The following DOP1B variants were observed in gnomAD, a reference collection of about 807,000 sequenced individuals.
The protein encoded by DOP1B is protein DOP1B.
In DOP1B, 174 loss-of-function variants were observed where a neutral mutation model predicts 233.5. That is an observed-to-expected ratio of 0.75 (90% confidence interval 0.66 to 0.85). The LOEUF is 0.85. DOP1B is among the 40% of genes least tolerant of loss of function. DOP1B has a pLI of 0.00. For synonymous variants in DOP1B, 1,190 were observed against 1,185.6 expected (o/e 1.00, Z -0.08); for missense variants, 2,652 against 2,846.6 (o/e 0.93, Z 1.56).
In DOP1B at chr21:36,211,640, T is replaced by A; in HGVS notation, c.769T>A (p.Tyr257Asn). 1.2e-6 allele frequency: 2 copies of A among 1,614,178 alleles called. No individual in the cohort carries two copies. Among genetic ancestry groups the A allele is most frequent in the Non-Finnish European group, 1.7e-6 (2 of 1,180,010 alleles). Reference protein sequence around the residue: ...LEIVLFFFPFYTCLDSNERAI... With the variant: ...LEIVLFFFPFNTCLDSNERAI... ...AATCGTTCTGTTTTTCTTCCCATTT[T>A]ATACCTGTCTGGTAAGTAATTTGTA... Residue 257 changes from tyrosine (Y) to asparagine (N), a missense_variant, in exon 6 of 37, where the codon TAT becomes AAT. Physicochemically the swap from Tyr to Asn is moderately radical, Grantham distance 143. Around this residue, in one of 3 missense-constraint regions of DOP1B, gnomAD observed 2,617 missense variants for 2,794.3 expected, o/e 0.94. Transcript: ENST00000691173.
In DOP1B at chr21:36,181,626, C is replaced by T. The variant is rs192034374; in HGVS notation, c.138+16755C>T. On this transcript the variant is annotated intron_variant, in intron 2 of 36. Coordinates refer to ENST00000691173, the MANE Select transcript of DOP1B (RefSeq NM_001320714.2). ...ACGTGGCTTTCACAGTTCCTCTTTT[C>T]ATTGCCATTCTGTCCCACAGGAAAA... Among the ~76,000 whole-genome samples the T allele has an allele frequency of 1.6e-4, 24 of 152,340 alleles. 1 individual carries two copies. In the East Asian group the frequency reaches 4.4e-3, roughly 28 times the overall value.
chr21:36,196,376 C>T (rs1479766813), intron 2 of DOP1B, among the ~76,000 whole-genome samples: 1 of 152,174 alleles, frequency 6.6e-6, no homozygotes, highest in African/African-American at 2.4e-5. Flanking sequence ...TGTTGGCTGC[C>T]TGACCGTTCT....
At chr21:36,285,728 G>A (rs1301621155) in intron 32 of DOP1B, among the ~76,000 whole-genome samples, 2 of 152,050 alleles carry the variant, frequency 1.3e-5, no homozygotes, top group African/African-American at 2.4e-5. Context: ...AAAAGAGGCA[G>A]GAGGCTGGGC....
At chr21:36,256,817 G>A (rs1417145654) in intron 23 of DOP1B, among the ~76,000 whole-genome samples, 1 of 151,922 alleles carries the variant, frequency 6.6e-6, no homozygotes, top group Non-Finnish European at 1.5e-5. Context: ...CAACACAGAA[G>A]ACTTCTCTTA....
rs1476179470 is a variant in DOP1B, at chr21:36,223,361, A to G, written c.1370+11A>G. ...TGAGGAATGCTTTAGGTAAGTATGC[A>G]GTTCAAGAATGCAGAATATTTAGGA... On this transcript the variant is annotated intron_variant, in intron 11 of 36. Coordinates refer to ENST00000691173, the MANE Select transcript of DOP1B (RefSeq NM_001320714.2). The G allele has an allele frequency of 1.9e-6, 3 of 1,604,350 alleles. No individual in the cohort carries two copies. The Admixed American group carries it at 5.3e-5, about 28-fold the overall frequency.
Position 36,208,647 on chromosome 21 carries a change from A to G in DOP1B, c.492-68A>G. 4.0e-6 allele frequency: 6 copies of G among 1,506,230 alleles called. No homozygotes were observed. The South Asian group carries it at 7.4e-5, about 19-fold the overall frequency. The allele number at this position is 1,506,230 out of a possible 1,614,324, so 93.3% of individuals were successfully genotyped here. A position where few individuals can be genotyped will look rare whatever the true frequency, so the allele number is the denominator to read the frequency against. The stretch of plus-strand genomic sequence containing the variant: ...CTGTGGTTCTTCATGCAGCATTCGC[A>G]GAGCAGTGTGCAGTGGGACTCGGGA... On this transcript the variant is annotated intron_variant, in intron 4 of 36. Transcript: ENST00000691173.
intron 21 of DOP1B, among the ~76,000 whole-genome samples, chr21:36,248,917 C>T (rs1055296913): frequency 6.6e-6 from 1 of 151,912 alleles, no homozygotes; most frequent in African/African-American, 2.4e-5. Flanking sequence ...ACAGCCTGGC[C>T]AACATGGTGA....
At chr21:36,231,330 C>G (rs1232105861) in intron 14 of DOP1B, among the ~76,000 whole-genome samples, 196 bp downstream of exon 14, 1 of 152,200 alleles carries the variant, frequency 6.6e-6, no homozygotes, top group Non-Finnish European at 1.5e-5. Context: ...TCCAAGAGCT[C>G]CAGTGACTGT....
intron 20 of DOP1B, 130 bp from the exon 21 acceptor site, chr21:36,248,250 A>G (rs2066991531): frequency 1.2e-6 from 1 of 842,512 alleles, no homozygotes; most frequent in Non-Finnish European, 1.8e-6. Context: ...CTCCCAGACC[A>G]CCACATGTAT....
intron 2 of DOP1B, among the ~76,000 whole-genome samples, chr21:36,189,388 T>A (rs2066204205): frequency 6.6e-6 from 1 of 152,226 alleles, no homozygotes; most frequent in South Asian, 2.1e-4. Context: ...TAAGAAAGTT[T>A]AATTTCCTGT....
intron 15 of DOP1B, among the ~76,000 whole-genome samples, chr21:36,233,923 G>A (rs1340145341): frequency 1.3e-5 from 2 of 152,024 alleles, no homozygotes; most frequent in African/African-American, 4.8e-5. Context: ...GCACGATCTC[G>A]GCTCACTGCA....
Position 36,293,649 on chromosome 21 carries a change from G to T in DOP1B, c.*78G>T. 6.7e-7 allele frequency: 1 copy of T among 1,487,188 alleles called. No individual in the cohort carries two copies. Among genetic ancestry groups the T allele is most frequent in the South Asian group, 1.2e-5 (1 of 80,824 alleles). 92.1% of individuals were successfully genotyped at this position (1,487,188 alleles called of 1,614,324 possible). A position where few individuals can be genotyped will look rare whatever the true frequency, so the allele number is the denominator to read the frequency against. On this transcript the variant is annotated 3_prime_UTR_variant, in exon 37 of 37. Transcript: ENST00000691173. ...AGGTTATATTCTAAAGAAGAAAGAAGGCAGGATAGTGCTTTTGAACAAGCC... is the reference window on the plus strand; with the variant it reads ...AGGTTATATTCTAAAGAAGAAAGAATGCAGGATAGTGCTTTTGAACAAGCC...
At chr21:36,213,366 C>T (rs1315632846) in intron 7 of DOP1B, among the ~76,000 whole-genome samples, 1 of 152,098 alleles carries the variant, frequency 6.6e-6, no homozygotes, top group East Asian at 1.9e-4. Flanking sequence ...ATATTCTTTG[C>T]CCATACCATG....
At chr21:36,282,651 A>T (rs182453734) in intron 32 of DOP1B, among the ~76,000 whole-genome samples, 1 of 151,778 alleles carries the variant, frequency 6.6e-6, no homozygotes, top group South Asian at 2.1e-4. Flanking sequence ...TTTTTTTTTC[A>T]TCCCCACTAC....
rs371338959 is a variant in DOP1B at position 36,225,587 on chromosome 21, G to C, written c.1393G>C (p.Val465Leu). The C allele has an allele frequency of 1.2e-6, 2 of 1,614,100 alleles. No individual in the cohort carries two copies. The highest frequency in any genetic ancestry group is 1.1e-5 in the South Asian group (1 of 91,068). Residue 465 changes from valine to leucine, a missense_variant, in exon 12 of 37, where the codon GTG (valine) becomes CTG (leucine). Transcript: ENST00000691173. ...CFRPVKQRYS[V>L]RNSVSPPPTV... ...TAGACCAGTGAAGCAGCGTTACAGC[G>C]TGAGGAACAGCGTCAGCCCTCCCCC...
chr21:36,259,352 C>T (rs1156374156), intron 23 of DOP1B, among the ~76,000 whole-genome samples: 1 of 150,570 alleles, frequency 6.6e-6, no homozygotes, highest in Non-Finnish European at 1.5e-5. Flanking sequence ...TTCACTGCAA[C>T]CTCTGCCTCC....
chr21:36,292,255 T>A, intron 36 of DOP1B, 22 bp downstream of exon 36: 1 of 1,491,070 alleles, frequency 6.7e-7, no homozygotes, highest in Non-Finnish European at 9.0e-7. Context: ...TCTTTTCTTT[T>A]CTTTTTTTTT....
At position 36,232,929 on chromosome 21, in the gene DOP1B, T is replaced by C; in HGVS notation, c.2476T>C (p.Ser826Pro). 1 of 1,614,114 alleles carries C rather than the reference T, an allele frequency of 6.2e-7. No individual in the cohort carries two copies. Among genetic ancestry groups the C allele is most frequent in the Non-Finnish European group, 8.5e-7 (1 of 1,180,036 alleles). Residue 826 changes from serine to proline, a missense_variant, in exon 15 of 37, where the codon TCC becomes CCC. Ser to Pro is a moderately conservative substitution (Grantham distance 74). This residue lies in a region of DOP1B where 2,617 missense variants were observed against 2,794.3 expected (regional missense o/e 0.94). Transcript: ENST00000691173. ...TLLEVINHSQ[S>P]LALVIEDKMK... The stretch of plus-strand genomic sequence containing the variant: ...GCTGGAAGTGATAAACCATTCCCAG[T>C]CCCTGGCGCTTGTCATTGAAGACAA...
At chr21:36,243,050 G>T (rs1458518525) in intron 18 of DOP1B, among the ~76,000 whole-genome samples, 2 of 150,262 alleles carry the variant, frequency 1.3e-5, no homozygotes, top group Non-Finnish European at 2.9e-5. Flanking sequence ...CGCAATCTTG[G>T]TTCATTGCAA....
Sources: gnomAD v4.1 joint callset for allele counts (sites outside exome capture counted in the v4.1 genomes callset) on GRCh38, gnomAD v4.1.1 for gene constraint, gnomAD v4.1.1 regional missense constraint, MANE v1.5 for transcripts, NCBI Gene and HGNC (gene_info 2026-07-23, HGNC 2026-07-21) for gene names.